Variants in NPS observed in about 807,000 individuals in gnomAD.
NPS encodes the protein neuropeptide S.
In NPS, 6 loss-of-function variants were observed where a neutral mutation model predicts 7.2. The observed-to-expected ratio is 0.83, with a 90% confidence interval of 0.46 to 1.64. The LOEUF is 1.64. NPS is among the 40% of genes most tolerant of loss of function. The pLI is 0.01. For missense variants in NPS, 123 were observed against 97.8 expected (o/e 1.26, Z -1.09); for synonymous variants, 42 against 36.7 (o/e 1.14, Z -0.52).
chr10:127,553,418 C>T lies in NPS; in HGVS notation c.*779C>T, dbSNP rs1409091273. Among the ~76,000 whole-genome samples, 1 of 152,168 alleles carries T rather than the reference C, an allele frequency of 6.6e-6. No individual in the cohort carries two copies. The highest frequency in any genetic ancestry group is 2.4e-5 in the African/African-American group (1 of 41,438). ...ATTAATGCCCTCTCCTTTCCCCCATCCTTCCAGGAAAGACTGCCCACTCTT... is the reference window on the plus strand; with the variant it reads ...ATTAATGCCCTCTCCTTTCCCCCATTCTTCCAGGAAAGACTGCCCACTCTT... On this transcript the variant is annotated 3_prime_UTR_variant, in exon 3 of 3. Coordinates refer to ENST00000398023, the MANE Select transcript of NPS (RefSeq NM_001030013.2).
Position 127,552,676 on chromosome 10 carries a change from G to T in NPS, c.*37G>T. 1 of 1,413,008 alleles carries T rather than the reference G, an allele frequency of 7.1e-7. No individual in the cohort carries two copies. Among genetic ancestry groups the T allele is most frequent in the Non-Finnish European group, 1.0e-6 (1 of 1,001,884 alleles). The allele number at this position is 1,413,008 out of a possible 1,614,324, so 87.5% of individuals were successfully genotyped here. A position where few individuals can be genotyped will look rare whatever the true frequency, so the allele number is the denominator to read the frequency against. ...AAGGACTCGGGGAATTAATCTAACT[G>T]TAGAGTGTGACTGACGTACTCAAAG... On this transcript the variant is annotated 3_prime_UTR_variant, in exon 3 of 3. Transcript: ENST00000398023.
chr10:127,551,732 A>T (rs1844860881), intron 2 of NPS, among the ~76,000 whole-genome samples: 1 of 152,210 alleles, frequency 6.6e-6, no homozygotes, highest in Non-Finnish European at 1.5e-5. Flanking sequence ...AAGAGGGAAA[A>T]CACAACAAGT....
rs777362593 is a variant in NPS, at chr10:127,549,339, C to T, written c.-30C>T. On this transcript the variant is annotated 5_prime_UTR_variant, in exon 1 of 3. Coordinates refer to ENST00000398023, the MANE Select transcript of NPS (RefSeq NM_001030013.2). The stretch of plus-strand genomic sequence containing the variant: ...TGTGAGAAATTTGGCAATAAAACCA[C>T]CTATCTTTACAGATTTTGGGAAGTC... 44 of 1,596,728 alleles carry T rather than the reference C, an allele frequency of 2.8e-5. 1 individual carries two copies. The South Asian group carries it at 2.8e-4, about 10-fold the overall frequency.
Position 127,552,831 on chromosome 10 carries a change from A to T in NPS, c.*192A>T, listed in dbSNP as rs1415975678. On this transcript the variant is annotated 3_prime_UTR_variant, in exon 3 of 3. Transcript: ENST00000398023. ...TAAACATGTCTCAAACCTGTCTCAAACTTCCACTTGTGAGAGAAAAAACAA... is the reference window on the plus strand; with the variant it reads ...TAAACATGTCTCAAACCTGTCTCAATCTTCCACTTGTGAGAGAAAAAACAA... Among the ~76,000 whole-genome samples, 1 of 152,158 alleles carries T rather than the reference A, an allele frequency of 6.6e-6. No individual in the cohort carries two copies. The highest frequency in any genetic ancestry group is 1.9e-4 in the East Asian group (1 of 5,194).
intron 2 of NPS, among the ~76,000 whole-genome samples, chr10:127,552,107 T>C (rs7915277): frequency 0.37 from 56,243 of 152,118 alleles, 11,874 homozygotes; most frequent in African/African-American, 0.58. Context: ...GTCTGATCCT[T>C]ATGGGTTGTT....
chr10:127,550,557 C>T (rs919958089), intron 2 of NPS, among the ~76,000 whole-genome samples: 1 of 152,034 alleles, frequency 6.6e-6, no homozygotes, highest in Non-Finnish European at 1.5e-5. Context: ...CTGTTCTTTC[C>T]CCAAAGGTTT....
At chr10:127,552,339 G>A (rs1029667794) in intron 2 of NPS, 121 bp from the exon 3 acceptor site, 2 of 658,624 alleles carry the variant, frequency 3.0e-6, no homozygotes, top group Non-Finnish European at 5.4e-6. Flanking sequence ...CAAAACTTCT[G>A]CCTTTAAGAT....
Position 127,552,507 on chromosome 10 carries a change from A to C in NPS, c.138A>C (p.Pro46=). The C allele has an allele frequency of 6.2e-7, 1 of 1,612,938 alleles. No individual in the cohort carries two copies. The highest frequency in any genetic ancestry group is 8.5e-7 in the Non-Finnish European group (1 of 1,178,960). ...TTCTCATTCTGCTGAACAGCTGCCC[A>C]ACCAGATTGGACAGGAGCAAAGAAC... ...DYFLILLNSC[P]TRLDRSKELA... is the part of the protein sequence containing the mutation. The change falls in exon 3 of 3, where the codon CCA becomes CCC. Residue 46 remains proline, a synonymous_variant. Transcript: ENST00000398023.
intron 2 of NPS, among the ~76,000 whole-genome samples, chr10:127,551,553 T>C (rs1352674124): frequency 6.6e-6 from 1 of 152,196 alleles, no homozygotes; most frequent in Non-Finnish European, 1.5e-5. Context: ...TAGAGTCAGA[T>C]GCCTTGAAAA....
intron 2 of NPS, among the ~76,000 whole-genome samples, chr10:127,551,188 T>C (rs892548087): frequency 6.6e-6 from 1 of 152,134 alleles, no homozygotes; most frequent in Non-Finnish European, 1.5e-5. Flanking sequence ...TAAGAGTGTT[T>C]GATTGGTTTT....
chr10:127,551,221 C>G (rs150677102), intron 2 of NPS, among the ~76,000 whole-genome samples: 65 of 151,874 alleles, frequency 4.3e-4, no homozygotes, highest in Non-Finnish European at 7.6e-4. Flanking sequence ...ATTTCTGAAA[C>G]TCTCTGACCA....
rs1384238880 is a variant in NPS, at chr10:127,552,475, G to C, written c.106G>C (p.Asp36His). The C allele has an allele frequency of 1.9e-6, 3 of 1,607,596 alleles. No individual in the cohort carries two copies. Among genetic ancestry groups the C allele is most frequent in the Non-Finnish European group, 2.6e-6 (3 of 1,174,864 alleles). Residue 36 changes from aspartate (D) to histidine (H), a missense_variant, in exon 3 of 3, where the codon GAT becomes CAT. By Grantham distance (81) the Asp-to-His change is moderately conservative. Coordinates refer to ENST00000398023, the MANE Select transcript of NPS (RefSeq NM_001030013.2). Reference sequence around the variant, plus strand: ...GAATTGCCAGGTGTCTGGAAAATCTGATTACTTTCTCATTCTGCTGAACAG... The same window carrying C: ...GAATTGCCAGGTGTCTGGAAAATCTCATTACTTTCTCATTCTGCTGAACAG... ...VPSSKVSGKS[D>H]YFLILLNSCP...
At chr10:127,550,378 T>A (rs1008358043) in intron 2 of NPS, among the ~76,000 whole-genome samples, 1 of 152,200 alleles carries the variant, frequency 6.6e-6, no homozygotes, top group African/African-American at 2.4e-5. Flanking sequence ...TTTGCATCTG[T>A]CATTTTTCTA....
In NPS at chr10:127,549,570, G is replaced by A; in HGVS notation, c.90G>A (p.Lys30=). ...VFWCYPVPSS[K]VSGKSDYFLI... ...GGTGTTATCCAGTTCCATCTTCTAAGGTAAGGATTTGCCTCCGTTGTGGAT... is the reference window on the plus strand; with the variant it reads ...GGTGTTATCCAGTTCCATCTTCTAAAGTAAGGATTTGCCTCCGTTGTGGAT... Residue 30 remains lysine (K), a splice_region_variant and synonymous_variant, in exon 2 of 3, where the codon AAG becomes AAA. Coordinates refer to ENST00000398023, the MANE Select transcript of NPS (RefSeq NM_001030013.2). 6.3e-7 allele frequency: 1 copy of A among 1,579,098 alleles called. No individual in the cohort carries two copies. The highest frequency in any genetic ancestry group is 8.7e-7 in the Non-Finnish European group (1 of 1,148,594).
intron 2 of NPS, among the ~76,000 whole-genome samples, chr10:127,551,851 A>G (rs922649738): frequency 1.3e-5 from 2 of 152,094 alleles, no homozygotes; most frequent in African/African-American, 2.4e-5. Flanking sequence ...TTATCTGCAA[A>G]ATATGGGGTT....
Position 127,552,452 on chromosome 10 carries a change from A to C in NPS, c.91-8A>C, listed in dbSNP as rs543329398. 2.6e-6 allele frequency: 4 copies of C among 1,567,278 alleles called. No individual in the cohort carries two copies. The East Asian group carries it at 9.0e-5, about 35-fold the overall frequency. On this transcript the variant is annotated splice_polypyrimidine_tract_variant and splice_region_variant and intron_variant, in intron 2 of 2. Transcript: ENST00000398023. ...ATTCTCTTTCTCCTCACCCATCTGAATTGCCAGGTGTCTGGAAAATCTGAT... is the reference window on the plus strand; with the variant it reads ...ATTCTCTTTCTCCTCACCCATCTGACTTGCCAGGTGTCTGGAAAATCTGAT...
rs1221907315 is a variant in NPS, at chr10:127,552,636, A to G, written c.267A>G (p.Ser89=). 2 of 1,607,850 alleles carry G rather than the reference A, an allele frequency of 1.2e-6. No homozygotes were observed. The highest frequency in any genetic ancestry group is 2.2e-5 in the East Asian group (1 of 44,840). Residue 89 remains serine, a synonymous_variant, in exon 3 of 3, where the codon TCA becomes TCG. Coordinates refer to ENST00000398023, the MANE Select transcript of NPS (RefSeq NM_001030013.2). ...MKKTSFQRAK[S] ...AAACTTCCTTTCAAAGAGCAAAATC[A>G]TGACTAAGTGTGCAAAGGACTCGGG...
At chr10:127,551,069 A>G (rs1844853875) in intron 2 of NPS, among the ~76,000 whole-genome samples, 1 of 152,174 alleles carries the variant, frequency 6.6e-6, no homozygotes, top group Non-Finnish European at 1.5e-5. Flanking sequence ...CCTTCCTGCA[A>G]TGACTCAGAG....
chr10:127,550,317 T>C (rs72845546), intron 2 of NPS, among the ~76,000 whole-genome samples: 2,818 of 152,328 alleles, frequency 0.018, 36 homozygotes, highest in Non-Finnish European at 0.026. Context: ...GATAAATATA[T>C]GTCTGAACAT....
Sources: allele counts gnomAD v4.1 joint callset (sites outside exome capture counted in the v4.1 genomes callset), GRCh38; gene constraint gnomAD v4.1.1; transcripts MANE v1.5; gene names NCBI Gene and HGNC (gene_info 2026-07-23, HGNC 2026-07-21).